Variants in GBE1 observed in about 807,000 individuals in gnomAD.
The protein encoded by GBE1 is 1,4-alpha-glucan-branching enzyme.
A neutral mutation model predicts 88.8 loss-of-function variants in GBE1; 70 were observed. That is an observed-to-expected ratio of 0.79 (90% CI 0.65 to 0.96). GBE1 has a LOEUF of 0.96. Among genes scored for constraint, GBE1 ranks in the 40% least tolerant of loss-of-function variants. The pLI is 0.00. For missense variants in GBE1, 872 were observed against 871.0 expected (o/e 1.00, Z -0.01); for synonymous variants, 284 against 300.1 (o/e 0.95, Z 0.56).
At chr3:81,650,589 C>T (rs1704832454) in intron 3 of GBE1, among the ~76,000 whole-genome samples, 1 of 151,644 alleles carries the variant, frequency 6.6e-6, no homozygotes, top group South Asian at 2.1e-4. Flanking sequence ...ACCATTAAGA[C>T]TTAGAACTGA....
intron 2 of GBE1, among the ~76,000 whole-genome samples, chr3:81,701,177 A>G (rs952587174): frequency 4.6e-5 from 7 of 152,182 alleles, no homozygotes; most frequent in Non-Finnish European, 7.4e-5. Flanking sequence ...GTTTAACCAG[A>G]AAGACTTTTT....
At chr3:81,510,479 A>G (rs929017315) in intron 14 of GBE1, among the ~76,000 whole-genome samples, 1 of 152,084 alleles carries the variant, frequency 6.6e-6, no homozygotes, top group Non-Finnish European at 1.5e-5. Flanking sequence ...AAAAACTGTA[A>G]AGCAAAGCTT....
intron 14 of GBE1, among the ~76,000 whole-genome samples, chr3:81,502,841 A>C (rs972784265): frequency 6.6e-6 from 1 of 152,198 alleles, no homozygotes; most frequent in Non-Finnish European, 1.5e-5. Flanking sequence ...GTGAAAATTT[A>C]TCTCTGAAAA....
chr3:81,541,237 G>A (rs1281344017), intron 12 of GBE1, among the ~76,000 whole-genome samples: 5 of 151,750 alleles, frequency 3.3e-5, no homozygotes, highest in African/African-American at 7.2e-5. Context: ...TTAACTCATC[G>A]CACAATCTGA....
chr3:81,608,425 C>T lies in GBE1; in HGVS notation c.993-14402G>A, dbSNP rs918763347. Among the ~76,000 whole-genome samples, 12 of 152,054 alleles carry T rather than the reference C, an allele frequency of 7.9e-5. No individual in the cohort carries two copies. The East Asian group carries it at 9.6e-4, about 12-fold the overall frequency. ...GATTAAATCAGGCATTTAGGAAAGCCGCTTATTTGTGCAACACTATCTTTC... is the reference window on the plus strand; with the variant it reads ...GATTAAATCAGGCATTTAGGAAAGCTGCTTATTTGTGCAACACTATCTTTC... On this transcript the variant is annotated intron_variant, in intron 7 of 15. Coordinates refer to ENST00000429644, the MANE Select transcript of GBE1 (RefSeq NM_000158.4).
chr3:81,591,975 A>AT (rs1703884928), intron 8 of GBE1, among the ~76,000 whole-genome samples: 1 of 152,004 alleles, frequency 6.6e-6, no homozygotes, highest in South Asian at 2.1e-4. Context: ...CAAGTTTCTC[A>AT]TTTTTGATGC....
intron 2 of GBE1, among the ~76,000 whole-genome samples, chr3:81,700,930 C>A (rs182623713): frequency 5.8e-4 from 89 of 152,174 alleles, no homozygotes; most frequent in African/African-American, 2.0e-3. Flanking sequence ...CAAATAAGAA[C>A]CCAATTATTT....
At chr3:81,563,068 T>C (rs1285204299) in intron 12 of GBE1, among the ~76,000 whole-genome samples, 1 of 152,102 alleles carries the variant, frequency 6.6e-6, no homozygotes, top group Non-Finnish European at 1.5e-5. Flanking sequence ...GACAGCCATA[T>C]AGCTCACCAG....
intron 14 of GBE1, among the ~76,000 whole-genome samples, chr3:81,532,297 T>A (rs1460606137): frequency 6.6e-6 from 1 of 152,004 alleles, no homozygotes; most frequent in African/African-American, 2.4e-5. Flanking sequence ...TATTCAACCA[T>A]CTTGCACGAA....
chr3:81,506,067 A>C (rs1424391625), intron 14 of GBE1, among the ~76,000 whole-genome samples: 1 of 152,164 alleles, frequency 6.6e-6, no homozygotes, highest in African/African-American at 2.4e-5. Flanking sequence ...GATGGGATCT[A>C]ATTAAACTAG....
chr3:81,701,391 T>C (rs1224498959), intron 2 of GBE1, among the ~76,000 whole-genome samples: 2 of 152,204 alleles, frequency 1.3e-5, no homozygotes, highest in Admixed American at 6.6e-5. Context: ...TTTTAAAATG[T>C]GGATGGCAAA....
chr3:81,652,100 T>C (rs1429566906), intron 3 of GBE1, among the ~76,000 whole-genome samples: 2 of 152,176 alleles, frequency 1.3e-5, no homozygotes, highest in African/African-American at 2.4e-5. Flanking sequence ...AAGGATAACA[T>C]AATGATGCCC....
chr3:81,573,206 A>G (rs570525899), intron 12 of GBE1, among the ~76,000 whole-genome samples: 1 of 152,336 alleles, frequency 6.6e-6, no homozygotes, highest in Non-Finnish European at 1.5e-5. Flanking sequence ...TAAACTTGCC[A>G]ATCAGAATGG....
chr3:81,507,373 G>A (rs1464690542), intron 14 of GBE1, among the ~76,000 whole-genome samples: 1 of 152,012 alleles, frequency 6.6e-6, no homozygotes, highest in Non-Finnish European at 1.5e-5. Context: ...GACCATCCTG[G>A]CTAACACTGT....
intron 12 of GBE1, among the ~76,000 whole-genome samples, chr3:81,542,920 A>C (rs1703160237): frequency 6.6e-6 from 1 of 152,104 alleles, no homozygotes; most frequent in Non-Finnish European, 1.5e-5. Context: ...GGTTAATTTC[A>C]GTACTTAGAA....
At chr3:81,754,506 A>C (rs1337198811) in intron 1 of GBE1, among the ~76,000 whole-genome samples, 2 of 150,568 alleles carry the variant, frequency 1.3e-5, no homozygotes, top group Non-Finnish European at 3.0e-5. Context: ...TAGCCAAATA[A>C]ATCTTAGCAA....
intron 12 of GBE1, among the ~76,000 whole-genome samples, chr3:81,555,074 C>G (rs1703328843): frequency 6.6e-6 from 1 of 152,184 alleles, no homozygotes; most frequent in African/African-American, 2.4e-5. Flanking sequence ...GTGGGAAACA[C>G]TGTGAACTTC....
intron 12 of GBE1, among the ~76,000 whole-genome samples, chr3:81,539,653 T>C (rs1703119266): frequency 6.6e-6 from 1 of 151,848 alleles, no homozygotes; most frequent in Non-Finnish European, 1.5e-5. Flanking sequence ...GAGATGGAAA[T>C]AACAAGATTT....
In GBE1 at chr3:81,594,339, C is replaced by G. The variant is rs150061905; in HGVS notation, c.993-316G>C. ...TATTCAATGCTGTGTTCTCAGCAAC[C>G]GGAAAAGTGATTACTACATAGTAGT... On this transcript the variant is annotated intron_variant, in intron 7 of 15. Transcript: ENST00000429644. 3.6e-4 allele frequency among the ~76,000 whole-genome samples: 55 copies of G among 151,718 alleles called. 1 individual carries two copies. Among genetic ancestry groups the G allele is most frequent in the Admixed American group, 3.6e-3 (55 of 15,220 alleles).
Sources: gnomAD v4.1 joint callset for allele counts (sites outside exome capture counted in the v4.1 genomes callset) on GRCh38, gnomAD v4.1.1 for gene constraint, MANE v1.5 for transcripts, NCBI Gene and HGNC (gene_info 2026-07-23, HGNC 2026-07-21) for gene names.